WDR20: variants seen among roughly 807,000 people sequenced by gnomAD.
WDR20 encodes the protein WD repeat domain 20, also known as WD repeat-containing protein 20.
WDR20 carries 3 observed loss-of-function variants against 38.7 expected under a neutral mutation model. The observed-to-expected ratio is 0.08, with a 90% CI of 0.04 to 0.20. The LOEUF is 0.20. Among genes scored for constraint, WDR20 ranks in the 10% least tolerant of loss-of-function variants. The pLI, the probability that WDR20 is intolerant of heterozygous loss-of-function variation, is 1.00. For synonymous variants in WDR20, 298 were observed against 285.6 expected (o/e 1.04, Z -0.44); for missense variants, 559 against 727.7 (o/e 0.77, Z 2.67).
chr14:102,207,567 T>A lies in WDR20; in HGVS notation c.433-1036T>A, dbSNP rs80143152. Among the ~76,000 whole-genome samples the A allele has an allele frequency of 4.6e-3, 707 of 152,276 alleles. 6 individuals are homozygous for A. The highest frequency in any genetic ancestry group is 0.016 in the African/African-American group (656 of 41,562). On this transcript the variant is annotated intron_variant, in intron 2 of 2. Transcript: ENST00000342702. The surrounding 1 kb of genome is among the most constrained non-coding windows in gnomAD (Gnocchi z 5.0). Reference sequence around the variant, plus strand: ...TGGGCTCCTAAAGGGACACTGTTACTGGGGCGATGGTGCAGTGGAGAGCAC... The same window carrying A: ...TGGGCTCCTAAAGGGACACTGTTACAGGGGCGATGGTGCAGTGGAGAGCAC...
At chr14:102,213,503 G>A, downstream of WDR20, 1 of 985,412 alleles carries the variant, frequency 1.0e-6, no homozygotes, top group African/African-American at 1.7e-5. Context: ...AATCAGAAAG[G>A]AGCTATCACA....
At chr14:102,214,363 A>G (rs1398684751), downstream of WDR20, 6 of 985,344 alleles carry the variant, frequency 6.1e-6, 1 homozygote, top group African/African-American at 7.0e-5. Context: ...GGGAGGAGAC[A>G]TTAGTCTGGC....
intron 1 of WDR20, among the ~76,000 whole-genome samples, chr14:102,160,990 C>T (rs956865614): frequency 1.4e-5 from 2 of 145,082 alleles, no homozygotes; most frequent in African/African-American, 5.0e-5. Context: ...AGTGAATAAC[C>T]TCACATGTAT....
intron 1 of WDR20, chr14:102,167,686 G>A (rs373659061): frequency 6.6e-5 from 10 of 152,170 alleles, no homozygotes; most frequent in East Asian, 5.8e-4. Flanking sequence ...CCCTGTTACC[G>A]TCTACCAAGT....
In WDR20 at chr14:102,209,440, T is replaced by C. The variant is rs1219372005; in HGVS notation, c.1270T>C (p.Ser424Pro). 1 of 1,614,210 alleles carries C rather than the reference T, an allele frequency of 6.2e-7. No individual in the cohort carries two copies. The highest frequency in any genetic ancestry group is 1.7e-5 in the Admixed American group (1 of 60,024). ...GAACAGTGTTACAACACCCGGGAAC[T>C]CTGTGCCGCCTCCTCTGCCACGGTC... The part of the protein sequence containing the change: ...NGNSVTTPGN[S>P]VPPPLPRSNS... The change falls in exon 3 of 3, where the codon TCT becomes CCT. Residue 424 changes from serine (S) to proline (P), a missense_variant. Transcript: ENST00000342702. This position sits in a 1 kb window ranked among gnomAD's most constrained non-coding sequence, Gnocchi z 6.0.
chr14:102,222,990 G>A lies in WDR20; in HGVS notation c.*107G>A. 7.3e-7 allele frequency: 1 copy of A among 1,374,752 alleles called. No individual in the cohort carries two copies. The highest frequency in any genetic ancestry group is 1.0e-6 in the Non-Finnish European group (1 of 974,044). The allele number at this position is 1,374,752 out of a possible 1,614,324, so 85.2% of individuals were successfully genotyped here. A position where few individuals can be genotyped will look rare whatever the true frequency, so the allele number is the denominator to read the frequency against. On this transcript the variant is annotated 3_prime_UTR_variant, in exon 4 of 4. Coordinates refer to the WDR20 transcript ENST00000335263. The surrounding 1 kb of genome is among the most constrained non-coding windows in gnomAD (Gnocchi z 4.4). The stretch of plus-strand genomic sequence containing the variant: ...CGTGCCAGCCGGCGGACCTCAGGCG[G>A]TGGACGTCGGCGATAGCCGTGTGGA...
chr14:102,173,369 C>T (rs1272095007), intron 1 of WDR20, among the ~76,000 whole-genome samples: 1 of 151,586 alleles, frequency 6.6e-6, no homozygotes, highest in Non-Finnish European at 1.5e-5. Context: ...CCACCTTGGC[C>T]TCCCAAAGTG....
intron 1 of WDR20, among the ~76,000 whole-genome samples, chr14:102,168,287 A>T (rs141694056): frequency 6.6e-6 from 1 of 152,332 alleles, no homozygotes; most frequent in East Asian, 1.9e-4. Context: ...AATTGGCAGC[A>T]GTAAAAAGGA....
chr14:102,166,116 C>T (rs908037706), intron 1 of WDR20, among the ~76,000 whole-genome samples: 1 of 151,178 alleles, frequency 6.6e-6, no homozygotes, highest in African/African-American at 2.4e-5. Flanking sequence ...CCCCCACCCC[C>T]CTTCTCACCC....
At chr14:102,223,075 C>T in exon 4 of WDR20, 3 of 540,124 alleles carry the variant, frequency 5.6e-6, no homozygotes, top group Non-Finnish European at 3.2e-6. Context: ...AAGTTGTTTC[C>T]ATTTTAAACC....
chr14:102,204,684 C>T lies in WDR20; in HGVS notation c.433-3919C>T, dbSNP rs77866680. On this transcript the variant is annotated intron_variant, in intron 2 of 2. Transcript: ENST00000342702. ...GGGAGACAGGCATGACTGCATTTTC[C>T]ATTTTCCATGCGAGGCAATTTGGTA... 5.5e-3 allele frequency among the ~76,000 whole-genome samples: 841 copies of T among 152,320 alleles called. 18 individuals are homozygous for T. The highest frequency in any genetic ancestry group is 0.033 in the East Asian group (170 of 5,182).
At chr14:102,165,716 A>C (rs1031440820) in intron 1 of WDR20, among the ~76,000 whole-genome samples, 1 of 147,170 alleles carries the variant, frequency 6.8e-6, no homozygotes, top group Non-Finnish European at 1.5e-5. Flanking sequence ...AACTGTCTGC[A>C]GCCTTGACCT....
chr14:102,169,829 T>C lies in WDR20; in HGVS notation c.250-25109T>C, dbSNP rs146976886. On this transcript the variant is annotated intron_variant, in intron 1 of 2. Transcript: ENST00000342702. ...AGGAGTGAGCCACCGCGCCCGGCCT[T>C]TCTCAAGTAACTTAGTGAGAAAGTC... Among the ~76,000 whole-genome samples, 1,135 of 152,262 alleles carry C rather than the reference T, an allele frequency of 7.5e-3. 16 individuals are homozygous for C. The highest frequency in any genetic ancestry group is 0.026 in the African/African-American group (1,062 of 41,538).
intron 1 of WDR20, among the ~76,000 whole-genome samples, chr14:102,193,227 G>T (rs901586393): frequency 6.6e-6 from 1 of 150,896 alleles, no homozygotes. Flanking sequence ...CATCCGAGCC[G>T]CTCAGAAGCT....
chr14:102,150,830 C>T (rs1176575005), intron 1 of WDR20, among the ~76,000 whole-genome samples: 1 of 152,212 alleles, frequency 6.6e-6, no homozygotes, highest in African/African-American at 2.4e-5. Context: ...TTCACACACT[C>T]ATTCTAAGAG....
intron 1 of WDR20, among the ~76,000 whole-genome samples, chr14:102,144,989 T>G (rs1359556608): frequency 6.6e-6 from 1 of 152,200 alleles, no homozygotes; most frequent in Non-Finnish European, 1.5e-5. Context: ...TCTATGTTCT[T>G]AGAGCATCTT....
chr14:102,179,663 T>A (rs151138089), intron 1 of WDR20, among the ~76,000 whole-genome samples: 254 of 152,238 alleles, frequency 1.7e-3, no homozygotes, highest in Middle Eastern at 0.01. Context: ...TTTACTGGTT[T>A]AACTTTGCCC....
At chr14:102,183,582 A>G (rs962866720) in intron 1 of WDR20, among the ~76,000 whole-genome samples, 3 of 152,198 alleles carry the variant, frequency 2.0e-5, no homozygotes, top group Non-Finnish European at 2.9e-5. Context: ...ACAGCTAGAT[A>G]TGGTTAAAGG....
chr14:102,144,665 G>A (rs1449719494), intron 1 of WDR20, among the ~76,000 whole-genome samples: 1 of 151,502 alleles, frequency 6.6e-6, no homozygotes, highest in African/African-American at 2.4e-5. Flanking sequence ...GAATCCCCAT[G>A]GTGTATCAGT....
Sources: allele counts gnomAD v4.1 joint callset (sites outside exome capture counted in the v4.1 genomes callset), GRCh38; gene constraint gnomAD v4.1.1; non-coding constraint Gnocchi (gnomAD v3.1); transcripts MANE v1.5; gene names NCBI Gene and HGNC (gene_info 2026-07-23, HGNC 2026-07-21).